TEP1: variants seen among roughly 807,000 people sequenced by gnomAD.
TEP1 encodes the protein telomerase protein component 1.
TEP1 carries 241 observed loss-of-function variants against 306.3 expected under a neutral mutation model. That is an observed-to-expected ratio of 0.79 (90% CI 0.71 to 0.88). The LOEUF is 0.88. Ranked by LOEUF, TEP1 falls within the 40% of genes least tolerant of loss-of-function variation. The pLI is 0.00. For missense variants in TEP1, 3,051 were observed against 3,276.1 expected (o/e 0.93, Z 1.68); for synonymous variants, 1,289 against 1,305.5 (o/e 0.99, Z 0.27).
intron 18 of TEP1, 134 bp from the exon 19 acceptor site, chr14:20,386,757 T>A (rs1877202476): frequency 3.0e-6 from 3 of 995,552 alleles, no homozygotes; most frequent in Non-Finnish European, 4.0e-6. Flanking sequence ...CCAGCAGGCC[T>A]TCAGAGAAGC....
intron 27 of TEP1, among the ~76,000 whole-genome samples, chr14:20,382,919 C>T (rs1876718707): frequency 6.6e-6 from 1 of 152,224 alleles, no homozygotes; most frequent in Non-Finnish European, 1.5e-5. Flanking sequence ...CCCTGTGGCT[C>T]GGCCTACCCC....
At chr14:20,396,502 A>T in intron 10 of TEP1, 119 bp downstream of exon 10, 1 of 713,154 alleles carries the variant, frequency 1.4e-6, no homozygotes, top group Non-Finnish European at 2.3e-6. Context: ...ACATGGAAAC[A>T]GCTTGAGGGC....
Position 20,379,069 on chromosome 14 carries a change from A to G in TEP1, c.5164T>C (p.Ser1722Pro). The part of the protein sequence containing the change: ...KSVVSGCDGI[S>P]ACLFLSDDTL... ...TCATCGGAGAGGAACAAACAAGCAG[A>G]GATTCCATCACAGCCACTCACCACA... The change falls in exon 36 of 55, where the codon TCT becomes CCT. Residue 1722 changes from serine to proline, a missense_variant. This residue lies in a region of TEP1 where 1,540 missense variants were observed against 1,705.9 expected (regional missense o/e 0.90). Coordinates refer to ENST00000262715, the MANE Select transcript of TEP1 (RefSeq NM_007110.5). The G allele has an allele frequency of 6.2e-7, 1 of 1,614,222 alleles. No individual in the cohort carries two copies. The highest frequency in any genetic ancestry group is 8.5e-7 in the Non-Finnish European group (1 of 1,180,040).
chr14:20,381,957 G>A lies in TEP1; in HGVS notation c.4380C>T (p.Pro1460=). 5 of 1,614,138 alleles carry A rather than the reference G, an allele frequency of 3.1e-6. No homozygotes were observed. Among genetic ancestry groups the A allele is most frequent in the Non-Finnish European group, 4.2e-6 (5 of 1,180,020 alleles). ...GGCAGGCAAACGGGCCCATGGGGTA[G>A]GGGTCTCCACTGTTACCAGCAGCCA... ...EAVAAGNSGD[P]YPMGPFACLV... The change falls in exon 30 of 55, where the codon CCC becomes CCT. Residue 1460 remains proline (P), a synonymous_variant. Coordinates refer to ENST00000262715, the MANE Select transcript of TEP1 (RefSeq NM_007110.5). The surrounding 1 kb of genome is among the most constrained non-coding windows in gnomAD (Gnocchi z 4.0).
intron 54 of TEP1, 32 bp downstream of exon 54, chr14:20,368,764 GCA>G (rs112024184): frequency 0.11 from 134,269 of 1,187,636 alleles, 49 homozygotes; most frequent in East Asian, 0.16. Context: ...GCAGGCGCAC[GCA>G]CACACACACA....
At chr14:20,368,634 C>A in intron 54 of TEP1, 75 bp from the exon 55 acceptor site, 1 of 1,592,452 alleles carries the variant, frequency 6.3e-7, no homozygotes. Flanking sequence ...CACATTAATG[C>A]CTTTTATTTA....
chr14:20,385,009 T>C lies in TEP1; in HGVS notation c.3083A>G (p.Tyr1028Cys), dbSNP rs774918492. ...CCTGAGGAAGCTGGAATCCCGGAAG[T>C]AGATGAGAGCTTGGGCAGAGGGCTG... ...RLQPSAQALIYFRDSSFLSSV... is the reference protein window; with the variant it reads ...RLQPSAQALICFRDSSFLSSV... The change falls in exon 21 of 55, where the codon TAC (tyrosine) becomes TGC (cysteine). Residue 1028 changes from tyrosine (Y) to cysteine (C), a missense_variant. This residue lies in a region of TEP1 where 1,507 missense variants were observed against 1,550.5 expected (regional missense o/e 0.97). Transcript: ENST00000262715. The C allele has an allele frequency of 9.9e-6, 16 of 1,614,034 alleles. No individual in the cohort carries two copies. The African/African-American group carries it at 1.9e-4, about 19-fold the overall frequency.
At chr14:20,395,837 G>T (rs752172777) in intron 11 of TEP1, 22 bp downstream of exon 11, 12 of 1,607,494 alleles carry the variant, frequency 7.5e-6, no homozygotes, top group African/African-American at 1.3e-5. Flanking sequence ...GCAAAGAGGA[G>T]TTGGAAGAAA....
At position 20,380,293 on chromosome 14, in the gene TEP1, GC is replaced by G; in HGVS notation, c.4944del (p.Trp1648CysfsTer16). 6.2e-7 allele frequency: 1 copy of G among 1,614,152 alleles called. No homozygotes were observed. Among genetic ancestry groups the G allele is most frequent in the Non-Finnish European group, 8.5e-7 (1 of 1,180,026 alleles). On this transcript the variant is annotated frameshift_variant, in exon 34 of 55. Coordinates refer to ENST00000262715, the MANE Select transcript of TEP1 (RefSeq NM_007110.5). LOFTEE classifies it high-confidence loss of function. ...CHQASLLSRRWHLQHTLRWLN... is the reference protein window; with the variant it reads ...CHQASLLSRRXHLQHTLRWLN... ...AGCCATCGTAGTGTGTGTTGGAGGT[GC>G]CATCTCCGGGAGAGCAGCGAGGCTT...
intron 48 of TEP1, 27 bp from the exon 49 acceptor site, chr14:20,372,884 G>C: frequency 1.2e-6 from 2 of 1,614,082 alleles, no homozygotes; most frequent in Non-Finnish European, 8.5e-7. Context: ...GTTCAATTCA[G>C]TGCTTCTGAT....
chr14:20,405,529 A>G lies in TEP1; in HGVS notation c.792T>C (p.Asn264=). The part of the protein sequence containing the change: ...STLVSEVNMN[N]TSDPTLAAIF... Reference sequence around the variant, plus strand: ...TGGCAGCCAGGGTGGGGTCAGATGTATTGTTCATGTTTACTTCTGAGACCA... The same window carrying G: ...TGGCAGCCAGGGTGGGGTCAGATGTGTTGTTCATGTTTACTTCTGAGACCA... The change falls in exon 4 of 55, where the codon AAT becomes AAC. Residue 264 remains asparagine (N), a synonymous_variant. Transcript: ENST00000262715. 1.9e-6 allele frequency: 3 copies of G among 1,614,180 alleles called. No homozygotes were observed. In the South Asian group the frequency reaches 3.3e-5, roughly 18 times the overall value.
chr14:20,372,136 T>A (rs79000256), intron 49 of TEP1, among the ~76,000 whole-genome samples: 1,875 of 152,276 alleles, frequency 0.012, 49 homozygotes, highest in African/African-American at 0.043. Flanking sequence ...GTTTATCTAT[T>A]CAATTCCATT....
Position 20,408,462 on chromosome 14 carries a change from G to T in TEP1, c.-23C>A. 6.3e-7 allele frequency: 1 copy of T among 1,598,352 alleles called. No homozygotes were observed. ...CATGGCTGAAACTCAGCTTGTATAT[G>T]CCTAGAAGGAGAGAAAGACAGGAGA... On this transcript the variant is annotated splice_region_variant and 5_prime_UTR_variant, in exon 2 of 55. Transcript: ENST00000262715.
At chr14:20,384,572 C>T in intron 22 of TEP1, 28 bp downstream of exon 22, 1 of 1,613,714 alleles carries the variant, frequency 6.2e-7, no homozygotes, top group African/African-American at 1.3e-5. Flanking sequence ...CATCTCTGTA[C>T]AGGTGCTCCC....
intron 53 of TEP1, 135 bp downstream of exon 53, chr14:20,369,209 C>T (rs956324370): frequency 2.4e-5 from 21 of 867,376 alleles, no homozygotes; most frequent in East Asian, 1.1e-4. Flanking sequence ...GGGGTTTCAC[C>T]GTGTTAGCCA....
At chr14:20,371,113 A>G in intron 51 of TEP1, 105 bp downstream of exon 51, 2 of 921,902 alleles carry the variant, frequency 2.2e-6, no homozygotes, top group Non-Finnish European at 3.5e-6. Context: ...GAGGATTTGC[A>G]GCCAACTGCC....
At chr14:20,382,086 G>C (rs569403945) in intron 29 of TEP1, 23 bp from the exon 30 acceptor site, 2 of 1,613,438 alleles carry the variant, frequency 1.2e-6, no homozygotes, top group South Asian at 2.2e-5. Context: ...GCTCTCTGAG[G>C]CCCTCATCTA....
At position 20,368,394 on chromosome 14, in the gene TEP1, A is replaced by C. The variant is rs890842800; in HGVS notation, c.*43T>G. The C allele has an allele frequency of 7.5e-6, 12 of 1,594,398 alleles. No individual in the cohort carries two copies. Among genetic ancestry groups the C allele is most frequent in the Non-Finnish European group, 9.4e-6 (11 of 1,164,488 alleles). ...AGCTACCAGTGTCTTCAGGCTTTGC[A>C]TCTCTAGCACAAGGGGTATCATTAT... On this transcript the variant is annotated 3_prime_UTR_variant, in exon 55 of 55. Coordinates refer to ENST00000262715, the MANE Select transcript of TEP1 (RefSeq NM_007110.5).
At position 20,381,482 on chromosome 14, in the gene TEP1, A is replaced by T; in HGVS notation, c.4558+71T>A. ...GGTGAGCTGGCCAGCAGATGGGAGCACAGTGGGTGGTCCTGGCCTCCAGGC... is the reference window on the plus strand; with the variant it reads ...GGTGAGCTGGCCAGCAGATGGGAGCTCAGTGGGTGGTCCTGGCCTCCAGGC... On this transcript the variant is annotated intron_variant, in intron 31 of 54. Transcript: ENST00000262715. This position sits in a 1 kb window ranked among gnomAD's most constrained non-coding sequence, Gnocchi z 4.0. 1 of 1,612,732 alleles carries T rather than the reference A, an allele frequency of 6.2e-7. No homozygotes were observed. The highest frequency in any genetic ancestry group is 1.7e-4 in the Middle Eastern group (1 of 5,922).
Sources: allele counts gnomAD v4.1 joint callset (sites outside exome capture counted in the v4.1 genomes callset), GRCh38; gene constraint gnomAD v4.1.1; regional missense constraint gnomAD v4.1.1; non-coding constraint Gnocchi (gnomAD v3.1); transcripts MANE v1.5; gene names NCBI Gene and HGNC (gene_info 2026-07-23, HGNC 2026-07-21).